The following SEMA5A variants were observed in gnomAD, a reference collection of about 807,000 sequenced individuals.
SEMA5A encodes semaphorin-5A.
SEMA5A carries 55 observed loss-of-function variants against 135.5 expected under a neutral mutation model. The observed-to-expected ratio is 0.41, with a 90% confidence interval of 0.33 to 0.51. The LOEUF is 0.51. Among genes scored for constraint, SEMA5A ranks in the 20% least tolerant of loss-of-function variants. The pLI, the probability that SEMA5A is intolerant of heterozygous loss-of-function variation, is 0.37. For missense variants in SEMA5A, 1,290 were observed against 1,419.9 expected (o/e 0.91, Z 1.47); for synonymous variants, 580 against 546.5 (o/e 1.06, Z -0.85).
chr5:9,385,098 C>G (rs565976502), intron 2 of SEMA5A, among the ~76,000 whole-genome samples: 1 of 152,260 alleles, frequency 6.6e-6, no homozygotes, highest in South Asian at 2.1e-4. Flanking sequence ...AACATATAAG[C>G]ATTTTTGGTG....
intron 15 of SEMA5A, among the ~76,000 whole-genome samples, chr5:9,110,374 C>T (rs1049436829): frequency 3.3e-5 from 5 of 152,142 alleles, no homozygotes; most frequent in African/African-American, 1.2e-4. Context: ...TCTCCCCAGA[C>T]AGGGCAGTTT....
intron 16 of SEMA5A, among the ~76,000 whole-genome samples, chr5:9,092,953 C>T (rs1168246289): frequency 6.6e-6 from 1 of 152,176 alleles, no homozygotes; most frequent in Admixed American, 6.5e-5. Context: ...ATTGTAAAAT[C>T]ATAAAATGTC....
chr5:9,267,075 G>A (rs1749719838), intron 5 of SEMA5A, among the ~76,000 whole-genome samples: 1 of 152,142 alleles, frequency 6.6e-6, no homozygotes, highest in Non-Finnish European at 1.5e-5. Flanking sequence ...GCAGAATCAA[G>A]GTGGATTTCT....
At chr5:9,486,798 G>A (rs144409939) in intron 1 of SEMA5A, among the ~76,000 whole-genome samples, 3 of 152,194 alleles carry the variant, frequency 2.0e-5, no homozygotes, top group East Asian at 1.9e-4. Flanking sequence ...CTAAAAAGGG[G>A]GCCAGAGGTA....
Position 9,235,152 on chromosome 5 carries a change from T to C in SEMA5A, c.333+2676A>G, listed in dbSNP as rs190427565. On this transcript the variant is annotated intron_variant, in intron 6 of 22. Coordinates refer to ENST00000382496, the MANE Select transcript of SEMA5A (RefSeq NM_003966.3). ...AAACCCCTCGCTACATGATGGAATC[T>C]GATGCTTTGCTTTAGTAGGACAAGG... is the stretch of plus-strand genomic sequence containing the variant. Among the ~76,000 whole-genome samples the C allele has an allele frequency of 4.3e-3, 660 of 152,328 alleles. 2 individuals carry two copies. Among genetic ancestry groups the C allele is most frequent in the South Asian group, 6.2e-3 (30 of 4,830 alleles).
At chr5:9,337,289 T>C (rs1283136217) in intron 4 of SEMA5A, among the ~76,000 whole-genome samples, 1 of 152,208 alleles carries the variant, frequency 6.6e-6, no homozygotes, top group Non-Finnish European at 1.5e-5. Context: ...AAGAATATAG[T>C]GGGAAGTCAG....
At chr5:9,267,539 T>A (rs1029899824) in intron 5 of SEMA5A, among the ~76,000 whole-genome samples, 1 of 152,150 alleles carries the variant, frequency 6.6e-6, no homozygotes, top group Admixed American at 6.5e-5. Flanking sequence ...CTTTTCTTAT[T>A]TACAGACCCT....
chr5:9,196,103 C>T (rs974287183), intron 10 of SEMA5A, among the ~76,000 whole-genome samples: 1 of 152,340 alleles, frequency 6.6e-6, no homozygotes, highest in East Asian at 1.9e-4. Context: ...CTGGGACTTG[C>T]TGGTGCTAAA....
At chr5:9,540,740 G>A (rs901134261) in intron 1 of SEMA5A, among the ~76,000 whole-genome samples, 9 of 152,158 alleles carry the variant, frequency 5.9e-5, no homozygotes, top group East Asian at 1.9e-4. Flanking sequence ...CCTGGCCTCC[G>A]AAGCGTTCTC....
At chr5:9,100,295 C>T (rs1003480006) in intron 16 of SEMA5A, among the ~76,000 whole-genome samples, 1 of 150,624 alleles carries the variant, frequency 6.6e-6, no homozygotes, top group African/African-American at 2.4e-5. Flanking sequence ...GGCCGCACAG[C>T]CCCTCAGCCT....
At chr5:9,178,823 C>G (rs910700478) in intron 11 of SEMA5A, among the ~76,000 whole-genome samples, 133 of 152,326 alleles carry the variant, frequency 8.7e-4, no homozygotes, top group African/African-American at 3.0e-3. Flanking sequence ...TGTAAAAACA[C>G]TTGCAGATTC....
chr5:9,292,060 C>T (rs1209468206), intron 5 of SEMA5A, among the ~76,000 whole-genome samples: 3 of 152,074 alleles, frequency 2.0e-5, no homozygotes, highest in Non-Finnish European at 4.4e-5. Flanking sequence ...CAGGAGTCCT[C>T]GAGGCTACTT....
At chr5:9,053,977 C>G in intron 19 of SEMA5A, 110 bp downstream of exon 19, 3 of 1,291,562 alleles carry the variant, frequency 2.3e-6, no homozygotes, top group Non-Finnish European at 3.2e-6. Flanking sequence ...AACTTGCCCA[C>G]CCCCCTTTCA....
Position 9,136,553 on chromosome 5 carries a change from T to C in SEMA5A, c.1550A>G (p.Glu517Gly). Residue 517 changes from glutamate (E) to glycine (G), a missense_variant, in exon 13 of 23, where the codon GAG becomes GGG. Physicochemically the swap from Glu to Gly is moderately conservative, Grantham distance 98. Around this residue, in one of 3 missense-constraint regions of SEMA5A, gnomAD observed 1,029 missense variants for 1,086.6 expected, o/e 0.95. Coordinates refer to ENST00000382496, the MANE Select transcript of SEMA5A (RefSeq NM_003966.3). The stretch of plus-strand genomic sequence containing the variant: ...CCACTGCGTCATGCTCAGGCTCTCC[T>C]CCAGGCTTGTGCATTTCTTCATTAC... ...DVVMKKCTSL[E>G]ESLSMTQWEQ... The C allele has an allele frequency of 6.2e-7, 1 of 1,614,162 alleles. No individual in the cohort carries two copies. The highest frequency in any genetic ancestry group is 8.5e-7 in the Non-Finnish European group (1 of 1,180,028).
intron 16 of SEMA5A, among the ~76,000 whole-genome samples, chr5:9,102,528 T>C (rs1362042836): frequency 1.3e-5 from 2 of 152,166 alleles, no homozygotes; most frequent in Non-Finnish European, 2.9e-5. Context: ...TACAAGAGCA[T>C]TCACAAGGAT....
At chr5:9,043,383 A>G in intron 22 of SEMA5A, 1 of 188,234 alleles carries the variant, frequency 5.3e-6, no homozygotes. Context: ...ATTCGTATTC[A>G]TATAACTGAA....
At chr5:9,226,765 A>T in intron 7 of SEMA5A, 104 bp downstream of exon 7, 1 of 824,040 alleles carries the variant, frequency 1.2e-6, no homozygotes, top group Non-Finnish European at 2.0e-6. Flanking sequence ...AGAATTGAAC[A>T]GCAACACCTT....
chr5:9,254,402 TAGA>T (rs1748956218), intron 5 of SEMA5A, among the ~76,000 whole-genome samples: 1 of 152,134 alleles, frequency 6.6e-6, no homozygotes, highest in Non-Finnish European at 1.5e-5. Flanking sequence ...GAAGGGAAGA[TAGA>T]AGTTCTTGAG....
intron 16 of SEMA5A, among the ~76,000 whole-genome samples, chr5:9,088,639 T>TAC: frequency 9.3e-6 from 1 of 107,440 alleles, no homozygotes; most frequent in East Asian, 2.5e-4. Context: ...ACATTTATAA[T>TAC]ATATATATAT....
Sources: allele counts gnomAD v4.1 joint callset (sites outside exome capture counted in the v4.1 genomes callset), GRCh38; gene constraint gnomAD v4.1.1; regional missense constraint gnomAD v4.1.1; transcripts MANE v1.5; gene names NCBI Gene and HGNC (gene_info 2026-07-23, HGNC 2026-07-21).